MSI2: variants seen among roughly 807,000 people sequenced by gnomAD.
MSI2 encodes musashi RNA binding protein 2, also known as RNA-binding protein Musashi homolog 2.
Under a neutral mutation model 45.6 loss-of-function variants are expected in MSI2, and 17 were observed. The ratio of observed to expected loss-of-function variants is 0.37; its 90% confidence interval spans 0.26 to 0.56. MSI2 has a LOEUF of 0.56. MSI2 is among the 20% of genes least tolerant of loss of function. MSI2 has a pLI of 0.77. For synonymous variants in MSI2, 156 were observed against 158.2 expected, an observed-to-expected ratio of 0.99 and a Z score of 0.11; for missense variants, 293 against 444.2, an observed-to-expected ratio of 0.66 and a Z score of 3.06.
At position 57,684,392 on chromosome 17, in the gene MSI2, C is replaced by T. The variant is rs908109941; in HGVS notation, c.*4875C>T. 1 of 180,790 alleles carries T rather than the reference C, an allele frequency of 5.5e-6. No individual in the cohort carries two copies. The highest frequency in any genetic ancestry group is 2.4e-5 in the African/African-American group (1 of 42,244). The allele number at this position is 180,790 out of a possible 1,614,324, so 11.2% of individuals were successfully genotyped here. On this transcript the variant is annotated 3_prime_UTR_variant, in exon 14 of 14. Transcript: ENST00000284073. ...CTTACTTTTATACTTTAGTATGAAA[C>T]TGATGAGAACTTTGGTAGTGAGTAT...
At chr17:57,586,467 A>G (rs1333880727) in intron 7 of MSI2, among the ~76,000 whole-genome samples, 1 of 151,248 alleles carries the variant, frequency 6.6e-6, no homozygotes, top group Non-Finnish European at 1.5e-5. Context: ...ACATTTGTCT[A>G]ATTTCACAAG....
At chr17:57,398,824 A>G (rs966284098) in intron 5 of MSI2, among the ~76,000 whole-genome samples, 9 of 152,198 alleles carry the variant, frequency 5.9e-5, no homozygotes, top group Admixed American at 1.3e-4. Flanking sequence ...TTGAATGAAT[A>G]CATTAGCAAA....
rs143028135 is a variant in MSI2, at chr17:57,304,418, AT to A, written c.312+42242del. On this transcript the variant is annotated intron_variant, in intron 5 of 13. Coordinates refer to ENST00000284073, the MANE Select transcript of MSI2 (RefSeq NM_138962.4). ...CCATTGACTATCAGGATAAAGAGTA[AT>A]TTTTTTTTTTTTTTTCCTTTTGAGA... 8.3e-3 allele frequency among the ~76,000 whole-genome samples: 1,141 copies of A among 137,862 alleles called. 1 individual carries two copies. Among genetic ancestry groups the A allele is most frequent in the African/African-American group, 0.015 (551 of 37,344 alleles). 90.4% of individuals were successfully genotyped at this position (137,862 alleles called of 152,430 possible).
At chr17:57,597,466 T>TAAAAAAAAAAAAAAAAA (rs35606406) in intron 8 of MSI2, among the ~76,000 whole-genome samples, 19 of 87,108 alleles carry the variant, frequency 2.2e-4, no homozygotes, top group African/African-American at 3.0e-4. Context: ...CCTCATCTCT[T>TAAAAAAAAAAAAAAAAA]AAAAAAAAAA....
intron 11 of MSI2, among the ~76,000 whole-genome samples, chr17:57,669,019 G>A (rs1054742559): frequency 1.3e-5 from 2 of 152,218 alleles, no homozygotes; most frequent in Admixed American, 1.3e-4. Context: ...CTTGAGCCAA[G>A]GATTGCTGGG....
chr17:57,298,659 T>C (rs2143522545), intron 5 of MSI2, among the ~76,000 whole-genome samples: 1 of 151,910 alleles, frequency 6.6e-6, no homozygotes, highest in Non-Finnish European at 1.5e-5. Flanking sequence ...AGACTCTGTC[T>C]CAAAAAAAAA....
At chr17:57,419,250 T>C (rs1359561755) in intron 6 of MSI2, among the ~76,000 whole-genome samples, 6 of 152,058 alleles carry the variant, frequency 3.9e-5, no homozygotes, top group Non-Finnish European at 5.9e-5. Context: ...ACAACCTTAA[T>C]TACAGGCTAA....
At chr17:57,581,937 G>A (rs1011103877) in intron 7 of MSI2, among the ~76,000 whole-genome samples, 6 of 152,198 alleles carry the variant, frequency 3.9e-5, no homozygotes, top group Non-Finnish European at 7.3e-5. Flanking sequence ...TTATTGAGAC[G>A]AGTTCAGGTA....
chr17:57,420,328 G>A (rs2084372209), intron 6 of MSI2, among the ~76,000 whole-genome samples: 1 of 152,138 alleles, frequency 6.6e-6, no homozygotes, highest in South Asian at 2.1e-4. Context: ...GGGCTCTCAC[G>A]ATTTTTATTT....
chr17:57,376,331 A>G (rs1168922707), intron 5 of MSI2, among the ~76,000 whole-genome samples: 1 of 152,224 alleles, frequency 6.6e-6, no homozygotes, highest in Non-Finnish European at 1.5e-5. Flanking sequence ...GCTCAGGGCC[A>G]AGTAGCCAGC....
At chr17:57,450,891 C>G (rs769133964) in intron 6 of MSI2, among the ~76,000 whole-genome samples, 1 of 152,062 alleles carries the variant, frequency 6.6e-6, no homozygotes, top group Non-Finnish European at 1.5e-5. Flanking sequence ...AACTTTTTGC[C>G]TTTTCCTCCA....
intron 3 of MSI2, 40 bp downstream of exon 3, chr17:57,257,587 CA>C (rs751916931): frequency 7.7e-6 from 11 of 1,429,980 alleles, no homozygotes; most frequent in Non-Finnish European, 1.1e-5. Context: ...TATTTTAGAA[CA>C]AAGTTTAAGT....
intron 5 of MSI2, among the ~76,000 whole-genome samples, chr17:57,379,701 A>G (rs2144018708): frequency 6.6e-6 from 1 of 152,182 alleles, no homozygotes; most frequent in Non-Finnish European, 1.5e-5. Context: ...GGCCTGCTGG[A>G]TGCTGTGGGG....
chr17:57,674,604 C>T (rs1410823187), intron 11 of MSI2, among the ~76,000 whole-genome samples: 1 of 145,304 alleles, frequency 6.9e-6, no homozygotes, highest in African/African-American at 2.5e-5. Context: ...GAAAAAAAAA[C>T]TCTCTCTCTC....
intron 7 of MSI2, among the ~76,000 whole-genome samples, chr17:57,534,324 C>T (rs1447775383): frequency 2.0e-5 from 3 of 152,366 alleles, no homozygotes; most frequent in East Asian, 3.9e-4. Flanking sequence ...GATGACCGTG[C>T]TCCTCCATTT....
At chr17:57,381,606 C>T (rs1298064123) in intron 5 of MSI2, among the ~76,000 whole-genome samples, 1 of 152,184 alleles carries the variant, frequency 6.6e-6, no homozygotes, top group African/African-American at 2.4e-5. Flanking sequence ...TCCTATAGAA[C>T]TTTCTGTGAT....
At chr17:57,424,780 T>C (rs1567816066) in intron 6 of MSI2, among the ~76,000 whole-genome samples, 3 of 152,116 alleles carry the variant, frequency 2.0e-5, no homozygotes, top group African/African-American at 7.2e-5. Context: ...CTGTGCCTGA[T>C]GACTCTAGGG....
At chr17:57,553,097 A>G (rs2087343945) in intron 7 of MSI2, among the ~76,000 whole-genome samples, 1 of 152,202 alleles carries the variant, frequency 6.6e-6, no homozygotes, top group Non-Finnish European at 1.5e-5. Flanking sequence ...TGGCATCAGA[A>G]ACCTCAGTGT....
At chr17:57,697,429 C>G in the MSI2 span, among the ~76,000 whole-genome samples, 3 of 152,088 alleles carry the variant, frequency 2.0e-5, no homozygotes, top group African/African-American at 7.2e-5. Flanking sequence ...CTCCCCCTCA[C>G]TCGCAGACAC....
Sources: allele counts gnomAD v4.1 joint callset (sites outside exome capture counted in the v4.1 genomes callset), GRCh38; gene constraint gnomAD v4.1.1; transcripts MANE v1.5; gene names NCBI Gene and HGNC (gene_info 2026-07-23, HGNC 2026-07-21).